Variants in FRMD4B observed in about 807,000 individuals in gnomAD.
The protein encoded by FRMD4B is FERM domain containing 4B, also known as FERM domain-containing protein 4B.
In FRMD4B, 74 loss-of-function variants were observed where a neutral mutation model predicts 141.5. The observed-to-expected ratio is 0.52, with a 90% CI of 0.43 to 0.63. FRMD4B has a LOEUF of 0.63. Among genes scored for constraint, FRMD4B ranks in the 30% least tolerant of loss-of-function variants. The probability of loss-of-function intolerance (pLI) is 0.00; values close to 1 mark genes in which losing one functional copy is unlikely to be tolerated. For synonymous variants in FRMD4B, 506 were observed against 467.9 expected, an observed-to-expected ratio of 1.08 and a Z score of -1.05; for missense variants, 1,366 against 1,253.4, an observed-to-expected ratio of 1.09 and a Z score of -1.36.
At chr3:69,529,887 A>T (rs1191862576) in intron 1 of FRMD4B, among the ~76,000 whole-genome samples, 5 of 152,204 alleles carry the variant, frequency 3.3e-5, no homozygotes. Context: ...TTAGGAGACA[A>T]ATTTTGGCAG....
intron 1 of FRMD4B, among the ~76,000 whole-genome samples, chr3:69,501,966 A>G (rs9825898): frequency 0.55 from 83,397 of 151,918 alleles, 23,550 homozygotes; most frequent in African/African-American, 0.7. Context: ...TAGGAATCCA[A>G]CTTACAAGGG....
rs55847019 is a variant in FRMD4B, at chr3:69,323,608, GTATATATATATATATATATATATATA to G, written c.163-10117_163-10092del. On this transcript the variant is annotated intron_variant, in intron 1 of 22. Coordinates refer to ENST00000398540, the MANE Select transcript of FRMD4B (RefSeq NM_015123.3). Reference sequence around the variant, plus strand: ...CCCAACTCTCTCTCTCTCTCTCTGTGTATATATATATATATATATATATATATATATATATATATATATATGCGTTT... The same window carrying G: ...CCCAACTCTCTCTCTCTCTCTCTGTGTATATATATATATATATATGCGTTT... Among the ~76,000 whole-genome samples the G allele has an allele frequency of 1.7e-3, 171 of 101,566 alleles. 1 individual carries two copies. Among genetic ancestry groups the G allele is most frequent in the East Asian group, 2.6e-3 (5 of 1,904 alleles). 66.6% of individuals were successfully genotyped at this position (101,566 alleles called of 152,430 possible).
intron 4 of FRMD4B, among the ~76,000 whole-genome samples, chr3:69,298,957 C>T (rs1212381060): frequency 6.6e-6 from 1 of 151,796 alleles, no homozygotes; most frequent in Non-Finnish European, 1.5e-5. Context: ...CTGCTATATT[C>T]CCAGCATCTA....
At chr3:69,372,045 A>G (rs1053255184) in intron 1 of FRMD4B, among the ~76,000 whole-genome samples, 2 of 152,054 alleles carry the variant, frequency 1.3e-5, no homozygotes, top group African/African-American at 4.8e-5. Flanking sequence ...TTCTTGCAAC[A>G]CTTTGGCCAC....
At chr3:69,250,483 G>T (rs994809073) in intron 5 of FRMD4B, among the ~76,000 whole-genome samples, 34 of 152,174 alleles carry the variant, frequency 2.2e-4, no homozygotes, top group African/African-American at 8.2e-4. Flanking sequence ...TTCATTTGTT[G>T]AGTGTTTTCC....
intron 5 of FRMD4B, 165 bp from the exon 6 acceptor site, chr3:69,250,264 G>A: frequency 1.5e-6 from 1 of 663,516 alleles, no homozygotes; most frequent in Admixed American, 2.2e-5. Flanking sequence ...GACTCATTGA[G>A]GGTTAAGGCG....
rs142481494 is a variant in FRMD4B at position 69,408,032 on chromosome 3, A to C, written c.-1+24602T>G. On this transcript the variant is annotated intron_variant, in intron 2 of 5. Coordinates refer to the FRMD4B transcript ENST00000459638. Reference sequence around the variant, plus strand: ...AATACAGTCTCAATTGTAGCTACTTAACTCTGCTGTTGCAGTGGGAAAGCA... The same window carrying C: ...AATACAGTCTCAATTGTAGCTACTTCACTCTGCTGTTGCAGTGGGAAAGCA... Among the ~76,000 whole-genome samples the C allele has an allele frequency of 1.5e-3, 234 of 152,282 alleles. 1 individual carries two copies. Among genetic ancestry groups the C allele is most frequent in the African/African-American group, 5.5e-3 (228 of 41,548 alleles).
At chr3:69,208,208 C>T (rs993187466) in intron 11 of FRMD4B, among the ~76,000 whole-genome samples, 37 of 152,132 alleles carry the variant, frequency 2.4e-4, no homozygotes, top group Admixed American at 2.3e-3. Flanking sequence ...AGATTACAGG[C>T]ACCCACCACC....
rs866742937 is a variant in FRMD4B at position 69,242,523 on chromosome 3, T to G, written c.581+6703A>C. Among the ~76,000 whole-genome samples, 591 of 111,472 alleles carry G rather than the reference T, an allele frequency of 5.3e-3. 15 individuals are homozygous for G. Among genetic ancestry groups the G allele is most frequent in the African/African-American group, 0.02 (565 of 28,120 alleles). 73.1% of individuals were successfully genotyped at this position (111,472 alleles called of 152,430 possible). A position where few individuals can be genotyped will look rare whatever the true frequency, so the allele number is the denominator to read the frequency against. On this transcript the variant is annotated intron_variant, in intron 7 of 22. Transcript: ENST00000398540. ...TTTTTTTTTTTTTTTTTTTTTTTTT[T>G]GTAGCACAGCTGTAACTTGTGAATA... is the stretch of plus-strand genomic sequence containing the variant.
At chr3:69,361,413 A>G (rs930944777) in intron 1 of FRMD4B, among the ~76,000 whole-genome samples, 2 of 152,210 alleles carry the variant, frequency 1.3e-5, no homozygotes, top group Non-Finnish European at 2.9e-5. Flanking sequence ...TAAATGATGC[A>G]TAATAAAAAT....
At chr3:69,210,784 C>T (rs560760136) in intron 11 of FRMD4B, among the ~76,000 whole-genome samples, 1 of 152,172 alleles carries the variant, frequency 6.6e-6, no homozygotes, top group Admixed American at 6.5e-5. Flanking sequence ...GAGGCTCAGG[C>T]AGGTGGATCA....
At chr3:69,295,463 A>C (rs1407901633) in intron 4 of FRMD4B, among the ~76,000 whole-genome samples, 1 of 152,170 alleles carries the variant, frequency 6.6e-6, no homozygotes, top group Non-Finnish European at 1.5e-5. Flanking sequence ...CTGTGACTGC[A>C]GGCACGCACT....
At chr3:69,176,256 C>G (rs1257437836) in intron 22 of FRMD4B, among the ~76,000 whole-genome samples, 1 of 152,094 alleles carries the variant, frequency 6.6e-6, no homozygotes, top group Non-Finnish European at 1.5e-5. Flanking sequence ...TACTTTTTGG[C>G]TGATGGTGGC....
chr3:69,496,767 A>T (rs1706407694), intron 1 of FRMD4B, among the ~76,000 whole-genome samples: 1 of 151,908 alleles, frequency 6.6e-6, no homozygotes, highest in Non-Finnish European at 1.5e-5. Flanking sequence ...AAGCCAATAA[A>T]GTCCACCTTT....
chr3:69,191,230 G>A (rs748645276), intron 17 of FRMD4B, among the ~76,000 whole-genome samples: 27 of 152,234 alleles, frequency 1.8e-4, no homozygotes, highest in Non-Finnish European at 1.8e-4. Flanking sequence ...GACCAGCCTG[G>A]CCAACACAGT....
At chr3:69,521,342 G>A (rs1200778387) in intron 1 of FRMD4B, among the ~76,000 whole-genome samples, 1 of 152,150 alleles carries the variant, frequency 6.6e-6, no homozygotes, top group African/African-American at 2.4e-5. Context: ...CTGGTCCTCA[G>A]AAGTCCTGGC....
At chr3:69,467,727 G>A (rs1705816919) in intron 1 of FRMD4B, among the ~76,000 whole-genome samples, 1 of 152,170 alleles carries the variant, frequency 6.6e-6, no homozygotes, top group Non-Finnish European at 1.5e-5. Context: ...AACTCCAGAA[G>A]AAGAATATGA....
chr3:69,356,029 A>T (rs1703309489), intron 1 of FRMD4B, among the ~76,000 whole-genome samples: 1 of 1,908 alleles, frequency 5.2e-4, no homozygotes, highest in African/African-American at 6.4e-4. Flanking sequence ...ATTCCATCTC[A>T]AAAAAGAAAA....
chr3:69,498,530 C>T (rs529156428), intron 1 of FRMD4B, among the ~76,000 whole-genome samples: 284 of 152,250 alleles, frequency 1.9e-3, no homozygotes, highest in African/African-American at 6.7e-3. Flanking sequence ...AGGTATTGAG[C>T]TTAGAAGTAT....
Sources: allele counts gnomAD v4.1 joint callset (sites outside exome capture counted in the v4.1 genomes callset), GRCh38; gene constraint gnomAD v4.1.1; transcripts MANE v1.5; gene names NCBI Gene and HGNC (gene_info 2026-07-23, HGNC 2026-07-21).